Variants in DNAH14 observed in about 807,000 individuals in gnomAD.
DNAH14 encodes the protein axonemal beta dynein heavy chain 14.
A neutral mutation model predicts 520.9 loss-of-function variants in DNAH14; 478 were observed. The observed-to-expected ratio is 0.92, with a 90% CI of 0.85 to 0.99. DNAH14 has a LOEUF of 0.99. Among genes scored for constraint, DNAH14 ranks in the 50% least tolerant of loss-of-function variants. The probability of loss-of-function intolerance (pLI) is 0.00; values close to 1 mark genes in which losing one functional copy is unlikely to be tolerated. For synonymous variants in DNAH14, 1,581 were observed against 1,757.2 expected (o/e 0.90, Z 2.51); for missense variants, 4,831 against 5,234.5 (o/e 0.92, Z 2.38).
intron 41 of DNAH14, among the ~76,000 whole-genome samples, chr1:225,213,467 G>A (rs932128079): frequency 2.0e-5 from 3 of 152,122 alleles, no homozygotes; most frequent in Non-Finnish European, 2.9e-5. Context: ...GCTTGAAGAG[G>A]ATGGCATTGA....
chr1:225,272,914 T>C (rs1300446560), intron 51 of DNAH14, 41 bp from the exon 52 acceptor site: 5 of 1,488,410 alleles, frequency 3.4e-6, no homozygotes, highest in Non-Finnish European at 4.4e-6. Flanking sequence ...ACTACCCTGC[T>C]AATTTTTTTT....
Position 225,050,234 on chromosome 1 carries a change from A to G in DNAH14, c.1937A>G (p.Asp646Gly), listed in dbSNP as rs191493695. ...CITTITPLCQ[D>G]PQLSIFIDLV... is the part of the protein sequence containing the mutation. The stretch of plus-strand genomic sequence containing the variant: ...GCCACAATTACTCCTCTTTGCCAAG[A>G]TCCCCAGCTGTCTATCTTCATTGAT... Residue 646 changes from aspartate to glycine, a missense_variant, in exon 16 of 86, where the codon GAT becomes GGT. Coordinates refer to ENST00000682510, the MANE Select transcript of DNAH14 (RefSeq NM_001367479.1). The G allele has an allele frequency of 3.0e-5, 47 of 1,542,282 alleles. No individual in the cohort carries two copies. The highest frequency in any genetic ancestry group is 4.4e-6 in the Non-Finnish European group (5 of 1,144,644).
chr1:225,374,263 TATA>T (rs547506363), intron 77 of DNAH14, among the ~76,000 whole-genome samples: 6,519 of 99,130 alleles, frequency 0.066, 382 homozygotes, highest in South Asian at 0.12. Context: ...TATATATATA[TATA>T]TATATTTTTT....
intron 27 of DNAH14, among the ~76,000 whole-genome samples, chr1:225,124,583 T>C (rs973549737): frequency 4.6e-5 from 7 of 152,202 alleles, no homozygotes; most frequent in Admixed American, 4.6e-4. Flanking sequence ...TGCAGCAAAT[T>C]CCGTCACATC....
chr1:225,071,404 G>T (rs927281955), intron 17 of DNAH14, among the ~76,000 whole-genome samples: 1 of 152,112 alleles, frequency 6.6e-6, no homozygotes, highest in Non-Finnish European at 1.5e-5. Context: ...GCATTTGCTT[G>T]TCTGAAAAGG....
At chr1:225,130,420 A>G (rs12753717) in intron 27 of DNAH14, among the ~76,000 whole-genome samples, 1 of 152,122 alleles carries the variant, frequency 6.6e-6, no homozygotes, top group African/African-American at 2.4e-5. Context: ...GAACCAACCC[A>G]AATGTCCAAC....
chr1:225,181,720 T>C (rs1423045446), intron 36 of DNAH14, among the ~76,000 whole-genome samples: 1 of 152,178 alleles, frequency 6.6e-6, no homozygotes, highest in Non-Finnish European at 1.5e-5. Flanking sequence ...TTAAGTTGCT[T>C]ATAGATTTTT....
intron 54 of DNAH14, among the ~76,000 whole-genome samples, chr1:225,286,291 AGAG>A (rs1406615239): frequency 2.6e-5 from 4 of 152,178 alleles, no homozygotes. Context: ...TCAAAATGCT[AGAG>A]GAGAGGATTT....
At chr1:225,368,997 T>C (rs1397794684) in intron 77 of DNAH14, among the ~76,000 whole-genome samples, 1 of 152,146 alleles carries the variant, frequency 6.6e-6, no homozygotes, top group Non-Finnish European at 1.5e-5. Context: ...GATAATATAT[T>C]AGGGGGAAAT....
At chr1:225,021,132 A>G (rs2065656984) in intron 10 of DNAH14, among the ~76,000 whole-genome samples, 1 of 152,232 alleles carries the variant, frequency 6.6e-6, no homozygotes, top group Non-Finnish European at 1.5e-5. Context: ...CAAGCTGGGC[A>G]TTGAAGCCAC....
chr1:225,218,046 C>A (rs1028728029), intron 41 of DNAH14, among the ~76,000 whole-genome samples: 1 of 152,152 alleles, frequency 6.6e-6, no homozygotes, highest in Non-Finnish European at 1.5e-5. Flanking sequence ...AATTTAATAT[C>A]CAGCCAAACT....
Position 225,227,023 on chromosome 1 carries a change from C to A in DNAH14, c.6440-4050C>A, listed in dbSNP as rs558417737. ...TCACCTCCAGTCATAAGGTGGTTTT[C>A]TCCTATCTCAGTAAATAGAATGTAC... is the stretch of plus-strand genomic sequence containing the variant. On this transcript the variant is annotated intron_variant, in intron 41 of 85. Coordinates refer to ENST00000682510, the MANE Select transcript of DNAH14 (RefSeq NM_001367479.1). Among the ~76,000 whole-genome samples the A allele has an allele frequency of 3.9e-5, 6 of 152,266 alleles. No individual in the cohort carries two copies. The South Asian group carries it at 1.2e-3, about 32-fold the overall frequency.
chr1:225,099,595 G>C (rs1455494719), intron 22 of DNAH14, among the ~76,000 whole-genome samples: 1 of 152,106 alleles, frequency 6.6e-6, no homozygotes, highest in Non-Finnish European at 1.5e-5. Context: ...CAACAGTGCA[G>C]AAACTGAGAA....
At chr1:224,945,198 ATT>A (rs908619654) in intron 1 of DNAH14, among the ~76,000 whole-genome samples, 1 of 149,908 alleles carries the variant, frequency 6.7e-6, no homozygotes, top group Non-Finnish European at 1.5e-5. Flanking sequence ...ATTTCTTTTT[ATT>A]TTTTTTTCTC....
At chr1:225,066,258 A>T (rs2070874528) in intron 17 of DNAH14, among the ~76,000 whole-genome samples, 1 of 152,020 alleles carries the variant, frequency 6.6e-6, no homozygotes. Flanking sequence ...TATAGCTTGC[A>T]AAATATTTTC....
intron 1 of DNAH14, among the ~76,000 whole-genome samples, chr1:224,935,353 G>GT (rs1271847439): frequency 6.6e-6 from 1 of 151,718 alleles, no homozygotes; most frequent in Non-Finnish European, 1.5e-5. Context: ...CACCTTATCA[G>GT]TAACGACACA....
intron 61 of DNAH14, among the ~76,000 whole-genome samples, chr1:225,322,085 C>CTTTTTTTTT (rs3047035): frequency 2.1e-4 from 19 of 90,176 alleles, no homozygotes; most frequent in Non-Finnish European, 3.1e-4. Flanking sequence ...TTTTTTCTTT[C>CTTTTTTTTT]TTTTTTTTTT....
chr1:224,969,449 T>G (rs2061376582), intron 7 of DNAH14: 1 of 160,482 alleles, frequency 6.2e-6, no homozygotes, highest in Non-Finnish European at 1.4e-5. Context: ...GTCTGGTAGA[T>G]ATATACTGTA....
At chr1:225,173,032 G>A (rs1335649522) in intron 36 of DNAH14, among the ~76,000 whole-genome samples, 3 of 152,156 alleles carry the variant, frequency 2.0e-5, no homozygotes, top group African/African-American at 4.8e-5. Context: ...TTAATAAATG[G>A]TGCTGGGAAA....
Sources: gnomAD v4.1 joint callset for allele counts (sites outside exome capture counted in the v4.1 genomes callset) on GRCh38, gnomAD v4.1.1 for gene constraint, MANE v1.5 for transcripts, NCBI Gene and HGNC (gene_info 2026-07-23, HGNC 2026-07-21) for gene names.